The following GABRG2 variants were observed in gnomAD, a reference collection of about 807,000 sequenced individuals.
GABRG2 encodes gamma-aminobutyric acid type A receptor subunit gamma2, also known as gamma-aminobutyric acid receptor subunit gamma-2.
A neutral mutation model predicts 56.4 loss-of-function variants in GABRG2; 16 were observed. The observed-to-expected ratio is 0.28, with a 90% CI of 0.19 to 0.43. The LOEUF is 0.43. Among genes scored for constraint, GABRG2 ranks in the 20% least tolerant of loss-of-function variants. The pLI is 1.00. For missense variants in GABRG2, 327 were observed against 582.7 expected, an observed-to-expected ratio of 0.56 and a Z score of 4.52; for synonymous variants, 208 against 205.5, an observed-to-expected ratio of 1.01 and a Z score of -0.10.
intron 6 of GABRG2, among the ~76,000 whole-genome samples, chr5:162,115,328 C>T (rs529776625): frequency 4.6e-5 from 7 of 152,262 alleles, no homozygotes; most frequent in Non-Finnish European, 7.4e-5. Context: ...ATCTCTGTTA[C>T]GAAGCAAACA....
At chr5:162,148,881 C>T (rs760441796) in intron 7 of GABRG2, among the ~76,000 whole-genome samples, 1 of 152,176 alleles carries the variant, frequency 6.6e-6, no homozygotes, top group Non-Finnish European at 1.5e-5. Flanking sequence ...ATATAAGGTA[C>T]ACAAAGGCCA....
intron 6 of GABRG2, among the ~76,000 whole-genome samples, chr5:162,109,300 G>T (rs1304855868): frequency 1.3e-5 from 2 of 150,706 alleles, no homozygotes; most frequent in South Asian, 2.1e-4. Flanking sequence ...TAAATGACGA[G>T]TTAATGGGTG....
chr5:162,084,130 A>G (rs1005414528), intron 1 of GABRG2, among the ~76,000 whole-genome samples: 1 of 151,812 alleles, frequency 6.6e-6, no homozygotes, highest in African/African-American at 2.4e-5. Flanking sequence ...GTGGCTAAAG[A>G]CAAATTAGAA....
intron 1 of GABRG2, among the ~76,000 whole-genome samples, chr5:162,087,450 G>A (rs1010635500): frequency 6.6e-6 from 1 of 151,988 alleles, no homozygotes; most frequent in African/African-American, 2.4e-5. Context: ...GAGGCTTTTG[G>A]GGGGCTTTTA....
intron 3 of GABRG2, among the ~76,000 whole-genome samples, chr5:162,097,410 C>T (rs1244156511): frequency 6.6e-6 from 1 of 152,078 alleles, no homozygotes; most frequent in African/African-American, 2.4e-5. Flanking sequence ...CCTCTTTTGC[C>T]AGAACTCACT....
intron 6 of GABRG2, among the ~76,000 whole-genome samples, chr5:162,116,109 C>CGTGTGTGTGTGTGTGT (rs1561649623): frequency 8.0e-6 from 1 of 125,502 alleles, no homozygotes; most frequent in Admixed American, 7.6e-5. Context: ...GGTGTGCGTG[C>CGTGTGTGTGTGTGTGT]ATGTGTGTGT....
At position 162,105,461 on chromosome 5, in the gene GABRG2, G is replaced by A. The variant is rs1044091653; in HGVS notation, c.769+1435G>A. Reference sequence around the variant, plus strand: ...TTTTTTTTTTTTGAGAAGGAGTCTCGCTCTGTCTCCCAGGCTGGAGTGCAG... The same window carrying A: ...TTTTTTTTTTTTGAGAAGGAGTCTCACTCTGTCTCCCAGGCTGGAGTGCAG... On this transcript the variant is annotated intron_variant, in intron 6 of 9. Coordinates refer to ENST00000639213, the MANE Select transcript of GABRG2 (RefSeq NM_198904.4). Among the ~76,000 whole-genome samples, 7 of 72,656 alleles carry A rather than the reference G, an allele frequency of 9.6e-5. 1 individual carries two copies. Among genetic ancestry groups the A allele is most frequent in the South Asian group, 5.7e-4 (1 of 1,744 alleles). The allele number at this position is 72,656 out of a possible 152,430, so 47.7% of individuals were successfully genotyped here.
At chr5:162,153,032 A>C (rs919177025) in intron 9 of GABRG2, 61 bp from the exon 10 acceptor site, 2 of 1,602,468 alleles carry the variant, frequency 1.2e-6, no homozygotes, top group African/African-American at 2.7e-5. Flanking sequence ...TTGTGGAAAA[A>C]CAGCCTAGGA....
chr5:162,077,146 T>G (rs1344606962), intron 1 of GABRG2, among the ~76,000 whole-genome samples: 1 of 151,312 alleles, frequency 6.6e-6, no homozygotes, highest in South Asian at 2.1e-4. Context: ...TTATTGTGCT[T>G]CTTTAATAAT....
chr5:162,112,014 T>C (rs959241763), intron 6 of GABRG2, among the ~76,000 whole-genome samples: 4 of 152,166 alleles, frequency 2.6e-5, no homozygotes, highest in African/African-American at 7.2e-5. Context: ...TTACTGCTTA[T>C]GAGATAGTAT....
chr5:162,149,360 G>A lies in GABRG2; in HGVS notation c.1128+47G>A, dbSNP rs1316980026. 3.2e-6 allele frequency: 5 copies of A among 1,582,102 alleles called. No individual in the cohort carries two copies. In the Admixed American group the frequency reaches 8.5e-5, roughly 27 times the overall value. ...CACCATTGAAATTTTTATGATTTCG[G>A]TTTAGTTTGTTTTCATTAGCCTATC... On this transcript the variant is annotated intron_variant, in intron 8 of 9. Coordinates refer to ENST00000639213, the MANE Select transcript of GABRG2 (RefSeq NM_198904.4).
At chr5:162,097,569 A>G (rs1761089825) in intron 3 of GABRG2, 69 bp from the exon 4 acceptor site, 1 of 1,180,076 alleles carries the variant, frequency 8.5e-7, no homozygotes, top group African/African-American at 1.5e-5. Flanking sequence ...ACAGGAATGA[A>G]ATATACCAAT....
In GABRG2 at chr5:162,147,211, T is replaced by C. The variant is rs572315309; in HGVS notation, c.923-1897T>C. ...TCTTTCTTTCTCTTTCTTTCTTTCT[T>C]CCTTCTTTCTTTCTCTTTCTTTCTT... On this transcript the variant is annotated intron_variant, in intron 7 of 9. Coordinates refer to ENST00000639213, the MANE Select transcript of GABRG2 (RefSeq NM_198904.4). Among the ~76,000 whole-genome samples, 4 of 150,754 alleles carry C rather than the reference T, an allele frequency of 2.7e-5. No individual in the cohort carries two copies. In the South Asian group the frequency reaches 6.2e-4, roughly 23 times the overall value.
intron 1 of GABRG2, among the ~76,000 whole-genome samples, chr5:162,078,456 G>C (rs771715821): frequency 4.8e-4 from 63 of 132,558 alleles, no homozygotes; most frequent in Non-Finnish European, 7.5e-4. Flanking sequence ...GCCTGGGCTG[G>C]AGTGCAGTGG....
At chr5:162,100,614 C>G (rs1020248475) in intron 4 of GABRG2, among the ~76,000 whole-genome samples, 1 of 152,134 alleles carries the variant, frequency 6.6e-6, no homozygotes, top group Non-Finnish European at 1.5e-5. Context: ...TCAAATATGT[C>G]TGTGTATGTG....
intron 1 of GABRG2, among the ~76,000 whole-genome samples, chr5:162,082,050 T>C (rs1204373336): frequency 6.6e-6 from 1 of 151,942 alleles, no homozygotes; most frequent in Non-Finnish European, 1.5e-5. Flanking sequence ...TGAAGTTTTT[T>C]TCCCCTTGAG....
intron 1 of GABRG2, among the ~76,000 whole-genome samples, chr5:162,076,374 G>T (rs1372250829): frequency 2.6e-5 from 4 of 152,094 alleles, no homozygotes; most frequent in Non-Finnish European, 5.9e-5. Context: ...GAGTGTAGAA[G>T]AGGGATTTTT....
At chr5:162,090,236 A>C (rs537865971) in intron 1 of GABRG2, among the ~76,000 whole-genome samples, 4 of 152,180 alleles carry the variant, frequency 2.6e-5, no homozygotes, top group African/African-American at 9.6e-5. Context: ...TTTAAAAAAA[A>C]CCCATCCCAA....
chr5:162,149,803 G>A (rs1041850187), intron 8 of GABRG2: 8 of 366,850 alleles, frequency 2.2e-5, no homozygotes, highest in Admixed American at 1.1e-4. Context: ...TAGTACAGAC[G>A]GGGTTTCACC....
Sources: allele counts gnomAD v4.1 joint callset (sites outside exome capture counted in the v4.1 genomes callset), GRCh38; gene constraint gnomAD v4.1.1; transcripts MANE v1.5; gene names NCBI Gene and HGNC (gene_info 2026-07-23, HGNC 2026-07-21).